The following TTC7A variants were observed in gnomAD, a reference collection of about 807,000 sequenced individuals.
The protein encoded by TTC7A is tetratricopeptide repeat domain 7A.
TTC7A carries 110 observed loss-of-function variants against 103.7 expected under a neutral mutation model. The observed-to-expected ratio is 1.06, with a 90% confidence interval of 0.91 to 1.24. The LOEUF is 1.24. TTC7A is among the 50% of genes most tolerant of loss of function. The pLI is 0.00. For missense variants in TTC7A, 1,340 were observed against 1,116.3 expected, an observed-to-expected ratio of 1.20 and a Z score of -2.86; for synonymous variants, 521 against 467.9, an observed-to-expected ratio of 1.11 and a Z score of -1.47.
At chr2:47,008,782 G>A (rs1677701915) in intron 10 of TTC7A, among the ~76,000 whole-genome samples, 1 of 152,154 alleles carries the variant, frequency 6.6e-6, no homozygotes, top group Admixed American at 6.5e-5. Flanking sequence ...TCCAGAAGGT[G>A]AGTCTGGGTA....
chr2:47,058,470 C>G (rs919460659), intron 18 of TTC7A, among the ~76,000 whole-genome samples: 13 of 152,246 alleles, frequency 8.5e-5, no homozygotes, highest in African/African-American at 1.2e-4. Context: ...GAGGGAATGT[C>G]TGGGCCTGGT....
intron 11 of TTC7A, among the ~76,000 whole-genome samples, chr2:47,014,039 G>C (rs1678358006): frequency 1.3e-5 from 2 of 152,156 alleles, no homozygotes; most frequent in South Asian, 2.1e-4. Context: ...TGTGTTTCTT[G>C]AGTGCAGGAA....
rs1042379918 is a variant in TTC7A, at chr2:47,074,231, C to T, written c.*308C>T. 4.7e-6 allele frequency: 2 copies of T among 429,032 alleles called. No individual in the cohort carries two copies. Among genetic ancestry groups the T allele is most frequent in the Non-Finnish European group, 8.6e-6 (2 of 233,756 alleles). The allele number at this position is 429,032 out of a possible 1,614,324, so 26.6% of individuals were successfully genotyped here. A position where few individuals can be genotyped will look rare whatever the true frequency, so the allele number is the denominator to read the frequency against. On this transcript the variant is annotated 3_prime_UTR_variant, in exon 20 of 20. Coordinates refer to ENST00000319190, the MANE Select transcript of TTC7A (RefSeq NM_020458.4). ...CTCACAGCTGTCCTTCACCCTCACCCATGCCTCTGGCTTGGAGTCTGGGTG... is the reference window on the plus strand; with the variant it reads ...CTCACAGCTGTCCTTCACCCTCACCTATGCCTCTGGCTTGGAGTCTGGGTG...
intron 11 of TTC7A, among the ~76,000 whole-genome samples, chr2:47,019,827 C>G (rs1168162657): frequency 6.6e-6 from 1 of 152,088 alleles, no homozygotes; most frequent in East Asian, 1.9e-4. Flanking sequence ...TGTAAGAAAG[C>G]TTTTTCTGTT....
intron 3 of TTC7A, among the ~76,000 whole-genome samples, chr2:46,959,741 C>G (rs1046298037): frequency 7.9e-5 from 12 of 152,178 alleles, no homozygotes; most frequent in Non-Finnish European, 1.6e-4. Context: ...GTGTTACACC[C>G]AAAGATGCTT....
Position 46,956,898 on chromosome 2 carries a change from A to G in TTC7A, c.408A>G (p.Ser136=), listed in dbSNP as rs772523623. 3.7e-6 allele frequency: 6 copies of G among 1,614,066 alleles called. No homozygotes were observed. In the African/African-American group the frequency reaches 5.3e-5, roughly 14 times the overall value. Residue 136 remains serine (S), a synonymous_variant, in exon 3 of 20, where the codon TCA becomes TCG. Coordinates refer to ENST00000319190, the MANE Select transcript of TTC7A (RefSeq NM_020458.4). ...GCAAACTGCATTACGTGGAGGGCTCATACCGAGATGCCATCAGCATGTACG... is the reference window on the plus strand; with the variant it reads ...GCAAACTGCATTACGTGGAGGGCTCGTACCGAGATGCCATCAGCATGTACG... ...ILGKLHYVEG[S]YRDAISMYAR... is the part of the protein sequence containing the mutation.
At chr2:47,015,821 A>C (rs1270108285) in intron 11 of TTC7A, among the ~76,000 whole-genome samples, 1 of 152,170 alleles carries the variant, frequency 6.6e-6, no homozygotes, top group Non-Finnish European at 1.5e-5. Flanking sequence ...CAGGGGAGAA[A>C]GAATGCCAGC....
intron 18 of TTC7A, among the ~76,000 whole-genome samples, chr2:47,053,558 G>T (rs1251603914): frequency 1.3e-4 from 19 of 151,616 alleles, no homozygotes; most frequent in African/African-American, 4.6e-4. Flanking sequence ...TTGGTTGGTT[G>T]GTTGGTTGGT....
At chr2:47,013,914 G>A (rs1678341262) in intron 11 of TTC7A, among the ~76,000 whole-genome samples, 1 of 152,202 alleles carries the variant, frequency 6.6e-6, no homozygotes, top group Admixed American at 6.5e-5. Context: ...AGGCCAGAGT[G>A]ATGTCCCATG....
chr2:46,986,712 C>T (rs528929995), intron 5 of TTC7A, among the ~76,000 whole-genome samples: 3 of 152,268 alleles, frequency 2.0e-5, no homozygotes, highest in African/African-American at 7.2e-5. Context: ...ACCCAGCTGC[C>T]AGCGAGACTA....
chr2:47,063,900 T>C (rs1683982800), intron 19 of TTC7A, among the ~76,000 whole-genome samples: 2 of 152,236 alleles, frequency 1.3e-5, no homozygotes, highest in Non-Finnish European at 2.9e-5. Flanking sequence ...TGGAGTGGGA[T>C]TGGCAAGTGC....
rs747024819 is a variant in TTC7A, at chr2:47,070,303, C to G, written c.2356-3399C>G. ...CACTGAGTGTGAGCCCAGACCCTAGCAAGACCTTAGGCCCCTTAGGTTCTG... is the reference window on the plus strand; with the variant it reads ...CACTGAGTGTGAGCCCAGACCCTAGGAAGACCTTAGGCCCCTTAGGTTCTG... On this transcript the variant is annotated intron_variant, in intron 19 of 19. Coordinates refer to ENST00000319190, the MANE Select transcript of TTC7A (RefSeq NM_020458.4). 1.1e-4 allele frequency among the ~76,000 whole-genome samples: 16 copies of G among 152,260 alleles called. 1 individual carries two copies. Among genetic ancestry groups the G allele is most frequent in the South Asian group, 1.0e-3 (5 of 4,838 alleles).
chr2:46,946,290 A>G (rs1296788346), intron 1 of TTC7A, among the ~76,000 whole-genome samples: 1 of 152,194 alleles, frequency 6.6e-6, no homozygotes, highest in Non-Finnish European at 1.5e-5. Context: ...CCCTGGGTAG[A>G]GAGAAGCTGC....
chr2:47,054,221 T>G, intron 18 of TTC7A: 1 of 949,980 alleles, frequency 1.1e-6, no homozygotes, highest in Non-Finnish European at 1.3e-6. Context: ...TAGCAGTGTC[T>G]TGCACAAGGT....
chr2:47,024,963 C>T (rs1679726005), intron 14 of TTC7A, among the ~76,000 whole-genome samples: 1 of 152,198 alleles, frequency 6.6e-6, no homozygotes, highest in South Asian at 2.1e-4. Context: ...CCTTTACTTT[C>T]CTGTGGCGCC....
chr2:46,954,565 C>A (rs1239991765), intron 2 of TTC7A, among the ~76,000 whole-genome samples: 1 of 129,930 alleles, frequency 7.7e-6, no homozygotes, highest in South Asian at 2.2e-4. Flanking sequence ...GAACTAAGAG[C>A]CTTTTTTTTT....
intron 18 of TTC7A, among the ~76,000 whole-genome samples, chr2:47,058,992 C>G (rs932331701): frequency 7.0e-6 from 1 of 142,028 alleles, no homozygotes; most frequent in Non-Finnish European, 1.5e-5. Flanking sequence ...GAGTGGGGTC[C>G]TCACCTCCTA....
At chr2:47,059,868 G>A (rs766750875) in intron 18 of TTC7A, among the ~76,000 whole-genome samples, 9 of 152,150 alleles carry the variant, frequency 5.9e-5, no homozygotes, top group Non-Finnish European at 1.0e-4. Context: ...GGTAATAAAA[G>A]TACTTGTGCA....
rs749546800 is a variant in TTC7A, at chr2:46,956,887, G to T, written c.397G>T (p.Val133Leu). 1.2e-6 allele frequency: 2 copies of T among 1,614,198 alleles called. No homozygotes were observed. Among genetic ancestry groups the T allele is most frequent in the South Asian group, 2.2e-5 (2 of 91,078 alleles). Reference sequence around the variant, plus strand: ...GCTGATCCTGGGCAAACTGCATTACGTGGAGGGCTCATACCGAGATGCCAT... The same window carrying T: ...GCTGATCCTGGGCAAACTGCATTACTTGGAGGGCTCATACCGAGATGCCAT... The part of the protein sequence containing the change: ...AMLILGKLHY[V>L]EGSYRDAISM... The change falls in exon 3 of 20, where the codon GTG becomes TTG. Residue 133 changes from valine (V) to leucine (L), a missense_variant. Coordinates refer to ENST00000319190, the MANE Select transcript of TTC7A (RefSeq NM_020458.4).
Sources: gnomAD v4.1 joint callset for allele counts (sites outside exome capture counted in the v4.1 genomes callset) on GRCh38, gnomAD v4.1.1 for gene constraint, MANE v1.5 for transcripts, NCBI Gene and HGNC (gene_info 2026-07-23, HGNC 2026-07-21) for gene names.